The following EFCAB6 variants were observed in gnomAD, a reference collection of about 807,000 sequenced individuals.
The protein encoded by EFCAB6 is EF-hand calcium binding domain 6.
In EFCAB6, 156 loss-of-function variants were observed where a neutral mutation model predicts 169.8. The ratio of observed to expected loss-of-function variants is 0.92; its 90% CI spans 0.81 to 1.05. The LOEUF is 1.05. Ranked by LOEUF, EFCAB6 falls within the 50% of genes least tolerant of loss-of-function variation. The pLI is 0.00. For missense variants in EFCAB6, 1,800 were observed against 1,829.1 expected, an observed-to-expected ratio of 0.98 and a Z score of 0.29; for synonymous variants, 698 against 676.4, an observed-to-expected ratio of 1.03 and a Z score of -0.50.
chr22:43,587,712 T>G (rs2051171954), intron 24 of EFCAB6, among the ~76,000 whole-genome samples: 1 of 152,234 alleles, frequency 6.6e-6, no homozygotes, highest in African/African-American at 2.4e-5. Context: ...TGTGTATCTA[T>G]AAAGATCCTT....
intron 10 of EFCAB6, among the ~76,000 whole-genome samples, chr22:43,694,295 T>C (rs1303675650): frequency 6.6e-6 from 1 of 152,070 alleles, no homozygotes; most frequent in Non-Finnish European, 1.5e-5. Context: ...TAATTCTATA[T>C]TAACTTTCTC....
chr22:43,730,499 T>G (rs2059909523), intron 8 of EFCAB6, among the ~76,000 whole-genome samples: 1 of 151,742 alleles, frequency 6.6e-6, no homozygotes, highest in African/African-American at 2.4e-5. Flanking sequence ...ATTCCTCATT[T>G]TCTTGAGTTT....
chr22:43,738,479 T>TCA (rs558879280), intron 6 of EFCAB6, among the ~76,000 whole-genome samples: 6 of 147,432 alleles, frequency 4.1e-5, no homozygotes, highest in East Asian at 4.1e-4. Flanking sequence ...ACACATATAT[T>TCA]CACACACACA....
intron 17 of EFCAB6, among the ~76,000 whole-genome samples, chr22:43,651,985 C>A (rs1033322630): frequency 5.9e-5 from 9 of 152,148 alleles, no homozygotes; most frequent in Non-Finnish European, 1.2e-4. Context: ...AAGGGACTTG[C>A]CTTGTCTTGG....
At chr22:43,590,685 G>A (rs1602464059) in intron 23 of EFCAB6, among the ~76,000 whole-genome samples, 2 of 145,270 alleles carry the variant, frequency 1.4e-5, no homozygotes, top group East Asian at 4.1e-4. Flanking sequence ...GTAGTGGGGA[G>A]ACAGACAATA....
intron 5 of EFCAB6, among the ~76,000 whole-genome samples, chr22:43,758,510 T>C (rs898145739): frequency 9.9e-5 from 15 of 152,242 alleles, no homozygotes; most frequent in Non-Finnish European, 1.5e-4. Context: ...AAATAGATCT[T>C]AGAAAACTTT....
intron 20 of EFCAB6, among the ~76,000 whole-genome samples, chr22:43,625,015 C>T (rs2054399757): frequency 6.6e-6 from 1 of 152,114 alleles, no homozygotes; most frequent in Non-Finnish European, 1.5e-5. Context: ...GAACCTGAGC[C>T]GTTGGAAGCA....
chr22:43,587,755 G>T (rs1295774734), intron 24 of EFCAB6, among the ~76,000 whole-genome samples: 1 of 152,158 alleles, frequency 6.6e-6, no homozygotes, highest in Non-Finnish European at 1.5e-5. Context: ...CAGATTCCAG[G>T]AATCAGGAAC....
At chr22:43,800,311 G>A (rs1021066530) in intron 2 of EFCAB6, among the ~76,000 whole-genome samples, 2 of 152,162 alleles carry the variant, frequency 1.3e-5, no homozygotes, top group Admixed American at 1.3e-4. Context: ...AGCGGAAAAG[G>A]AGGCAGCAAC....
chr22:43,667,343 C>A, intron 16 of EFCAB6, 71 bp from the exon 17 acceptor site: 1 of 1,540,560 alleles, frequency 6.5e-7, no homozygotes, highest in Non-Finnish European at 8.8e-7. Context: ...CAGACTGCAC[C>A]CATTTCCATG....
chr22:43,547,183 G>C lies in EFCAB6; in HGVS notation c.3649-6826C>G, dbSNP rs568938569. Among the ~76,000 whole-genome samples the C allele has an allele frequency of 1.6e-3, 247 of 152,228 alleles. 3 individuals are homozygous for C. The highest frequency in any genetic ancestry group is 5.5e-3 in the African/African-American group (229 of 41,532). ...GAAATCTAGGGAAAATCGGAGTTAG[G>C]GCAACTCAATGTCATGTGCCCTGTA... On this transcript the variant is annotated intron_variant, in intron 27 of 31. Coordinates refer to ENST00000262726, the MANE Select transcript of EFCAB6 (RefSeq NM_022785.4).
At chr22:43,669,804 A>C (rs2057409771) in intron 15 of EFCAB6, among the ~76,000 whole-genome samples, 1 of 152,212 alleles carries the variant, frequency 6.6e-6, no homozygotes, top group South Asian at 2.1e-4. Context: ...GCAGGGGCTC[A>C]CAAAGTGTGG....
intron 17 of EFCAB6, among the ~76,000 whole-genome samples, chr22:43,666,214 G>A (rs1482349917): frequency 6.6e-6 from 1 of 152,144 alleles, no homozygotes; most frequent in African/African-American, 2.4e-5. Context: ...TCCACGTCTT[G>A]TCTTGTTCTG....
chr22:43,606,278 C>A (rs968840058), intron 22 of EFCAB6, among the ~76,000 whole-genome samples: 7 of 152,348 alleles, frequency 4.6e-5, no homozygotes, highest in African/African-American at 1.7e-4. Flanking sequence ...GGATACAGCA[C>A]TTAATTACCA....
chr22:43,733,998 C>T (rs1003234780), intron 7 of EFCAB6, among the ~76,000 whole-genome samples: 1 of 152,102 alleles, frequency 6.6e-6, no homozygotes, highest in Non-Finnish European at 1.5e-5. Flanking sequence ...TGATCCACCG[C>T]GCCCGGCCAG....
At chr22:43,792,980 T>C (rs1433006201) in intron 2 of EFCAB6, among the ~76,000 whole-genome samples, 3 of 152,218 alleles carry the variant, frequency 2.0e-5, no homozygotes, top group Admixed American at 6.5e-5. Flanking sequence ...GTTGCAGTGA[T>C]TGCTGATGCA....
At chr22:43,655,569 C>A (rs2148100814) in intron 17 of EFCAB6, among the ~76,000 whole-genome samples, 1 of 145,840 alleles carries the variant, frequency 6.9e-6, no homozygotes, top group South Asian at 2.2e-4. Flanking sequence ...CAACAAAGGA[C>A]AGAAGAAGAA....
rs2059445180 is a variant in EFCAB6, at chr22:43,719,386, C to T, written c.758-2414G>A. On this transcript the variant is annotated intron_variant, in intron 8 of 31. Coordinates refer to ENST00000262726, the MANE Select transcript of EFCAB6 (RefSeq NM_022785.4). ...TTCACTGCAGGCGAAAGGAAATCTGCTCCCCAGCATCTTTCTTCATGTGCC... is the reference window on the plus strand; with the variant it reads ...TTCACTGCAGGCGAAAGGAAATCTGTTCCCCAGCATCTTTCTTCATGTGCC... 2.6e-5 allele frequency among the ~76,000 whole-genome samples: 4 copies of T among 152,352 alleles called. 1 individual carries two copies. Among genetic ancestry groups the T allele is most frequent in the Middle Eastern group, 6.8e-3 (2 of 294 alleles).
intron 23 of EFCAB6, among the ~76,000 whole-genome samples, chr22:43,595,830 T>C (rs2051956320): frequency 6.6e-6 from 1 of 152,108 alleles, no homozygotes; most frequent in South Asian, 2.1e-4. Flanking sequence ...CTGATGAACA[T>C]ACATGTAGAA....
Sources: allele counts gnomAD v4.1 joint callset (sites outside exome capture counted in the v4.1 genomes callset), GRCh38; gene constraint gnomAD v4.1.1; transcripts MANE v1.5; gene names NCBI Gene and HGNC (gene_info 2026-07-23, HGNC 2026-07-21).